Variants in USH2A observed in about 807,000 individuals in gnomAD.
USH2A encodes Usher syndrome 2A (autosomal recessive, mild).
In USH2A, 443 loss-of-function variants were observed where a neutral mutation model predicts 538.9. That is an observed-to-expected ratio of 0.82 (90% confidence interval 0.76 to 0.89). The LOEUF (loss-of-function observed/expected upper bound fraction) is 0.89. Ranked by LOEUF, USH2A falls within the 40% of genes least tolerant of loss-of-function variation. USH2A has a pLI of 0.00. For synonymous variants in USH2A, 2,413 were observed against 2,273.5 expected (o/e 1.06, Z -1.75); for missense variants, 6,633 against 6,324.8 (o/e 1.05, Z -1.65).
At position 215,826,394 on chromosome 1, in the gene USH2A, A is replaced by G. The variant is rs191548627; in HGVS notation, c.9372-9199T>C. Among the ~76,000 whole-genome samples, 22 of 152,322 alleles carry G rather than the reference A, an allele frequency of 1.4e-4. 1 individual carries two copies. Among genetic ancestry groups the G allele is most frequent in the African/African-American group, 5.0e-4 (21 of 41,590 alleles). ...TTGCCCAAGAAAGCATCACTTGCCA[A>G]TGGAGAGCTGTGATTGTCAAACAGT... On this transcript the variant is annotated intron_variant, in intron 47 of 71. Transcript: ENST00000307340.
Position 215,900,777 on chromosome 1 carries a change from C to T in USH2A, c.7429G>A (p.Asp2477Asn), listed in dbSNP as rs772852467. Residue 2477 changes from aspartate to asparagine, a missense_variant, in exon 39 of 72, where the codon GAC becomes AAC. Asp to Asn is a conservative substitution (Grantham distance 23). Coordinates refer to ENST00000307340, the MANE Select transcript of USH2A (RefSeq NM_206933.4). ...PRYQLQMRSG[D>N]STHGFLELFS... Reference sequence around the variant, plus strand: ...CACTCTAGAAATCCATGGGTGGAGTCGCCAGACCTCATCTGGAGTTGGTAT... The same window carrying T: ...CACTCTAGAAATCCATGGGTGGAGTTGCCAGACCTCATCTGGAGTTGGTAT... The T allele has an allele frequency of 4.2e-5, 67 of 1,613,640 alleles. 1 individual carries two copies. Among genetic ancestry groups the T allele is most frequent in the South Asian group, 4.0e-4 (36 of 91,072 alleles).
intron 64 of USH2A, among the ~76,000 whole-genome samples, chr1:215,664,805 T>C (rs1430437302): frequency 6.6e-6 from 1 of 152,152 alleles, no homozygotes; most frequent in African/African-American, 2.4e-5. Context: ...AGAAGACCAT[T>C]ATCTGTAAGC....
chr1:215,867,053 C>T lies in USH2A; in HGVS notation c.8799G>A (p.Ala2933=), dbSNP rs756401705. The change falls in exon 44 of 72, where the codon GCG becomes GCA. Residue 2933 remains alanine, a synonymous_variant. Coordinates refer to ENST00000307340, the MANE Select transcript of USH2A (RefSeq NM_206933.4). Reference sequence around the variant, plus strand: ...CGATGGCTGTGTGGTTAAGGACACTCGCAGTGAGATTGGCTCCTCTCTCTG... The same window carrying T: ...CGATGGCTGTGTGGTTAAGGACACTTGCAGTGAGATTGGCTCCTCTCTCTG... ...GLPERGANLT[A]SVLNHTAIDV... 1.2e-5 allele frequency: 20 copies of T among 1,614,020 alleles called. No individual in the cohort carries two copies. The highest frequency in any genetic ancestry group is 2.2e-5 in the East Asian group (1 of 44,886).
intron 21 of USH2A, among the ~76,000 whole-genome samples, chr1:216,163,714 CT>C (rs779482203): frequency 3.3e-5 from 5 of 151,778 alleles, no homozygotes; most frequent in Non-Finnish European, 5.9e-5. Flanking sequence ...ATGATTTGCT[CT>C]TCTAGGATTT....
chr1:215,640,842 A>G, intron 67 of USH2A, 108 bp from the exon 68 acceptor site: 2 of 811,982 alleles, frequency 2.5e-6, no homozygotes, highest in Non-Finnish European at 3.4e-6. Flanking sequence ...AACCAATCCA[A>G]ACAAAAAAAA....
intron 61 of USH2A, among the ~76,000 whole-genome samples, chr1:215,717,929 G>A (rs543495897): frequency 6.6e-6 from 1 of 152,290 alleles, no homozygotes; most frequent in East Asian, 1.9e-4. Context: ...TATGTAACTA[G>A]ATAATATCTG....
At chr1:216,024,434 T>C (rs367824401) in intron 32 of USH2A, among the ~76,000 whole-genome samples, 1 of 152,068 alleles carries the variant, frequency 6.6e-6, no homozygotes, top group African/African-American at 2.4e-5. Flanking sequence ...TTAACAAGTT[T>C]AAATCATTAT....
At chr1:216,356,911 C>A (rs966620093) in intron 4 of USH2A, among the ~76,000 whole-genome samples, 4 of 152,114 alleles carry the variant, frequency 2.6e-5, no homozygotes, top group Non-Finnish European at 5.9e-5. Flanking sequence ...ATTTCCAACA[C>A]CGGTATAATC....
intron 64 of USH2A, 86 bp from the exon 65 acceptor site, chr1:215,650,887 A>T: frequency 6.7e-7 from 1 of 1,496,060 alleles, no homozygotes; most frequent in South Asian, 1.2e-5. Flanking sequence ...AAAAAAACGA[A>T]ATTGGCAACC....
intron 21 of USH2A, among the ~76,000 whole-genome samples, chr1:216,169,723 T>G (rs143606546): frequency 6.6e-6 from 1 of 152,284 alleles, no homozygotes; most frequent in Non-Finnish European, 1.5e-5. Flanking sequence ...GTTTTGTCAC[T>G]GCCTGAGAAT....
At chr1:215,937,019 A>G (rs1454702567) in intron 37 of USH2A, among the ~76,000 whole-genome samples, 3 of 152,250 alleles carry the variant, frequency 2.0e-5, no homozygotes, top group African/African-American at 4.8e-5. Flanking sequence ...TGAAAAATCT[A>G]CTGTTACAAA....
chr1:216,217,745 C>T (rs1165753083), intron 14 of USH2A, among the ~76,000 whole-genome samples, 195 bp from the exon 15 acceptor site: 2 of 151,948 alleles, frequency 1.3e-5, no homozygotes, highest in African/African-American at 4.8e-5. Context: ...TATAAAACTA[C>T]TGTTCCTGGT....
chr1:216,091,222 C>T (rs1177890986), intron 22 of USH2A, among the ~76,000 whole-genome samples: 1 of 152,170 alleles, frequency 6.6e-6, no homozygotes, highest in Non-Finnish European at 1.5e-5. Flanking sequence ...ATATCAGACA[C>T]ATTCAATAGA....
chr1:215,904,977 C>T (rs926303857), intron 38 of USH2A, among the ~76,000 whole-genome samples: 2 of 151,942 alleles, frequency 1.3e-5, no homozygotes, highest in African/African-American at 4.8e-5. Context: ...ATATGAAAAA[C>T]AAAAGAAAAC....
At chr1:215,956,466 T>C (rs1667072000) in intron 37 of USH2A, among the ~76,000 whole-genome samples, 1 of 152,190 alleles carries the variant, frequency 6.6e-6, no homozygotes, top group African/African-American at 2.4e-5. Flanking sequence ...GTACATCATC[T>C]GGGTGATCTG....
chr1:216,405,812 A>G (rs1286103609), intron 3 of USH2A, among the ~76,000 whole-genome samples: 15 of 152,252 alleles, frequency 9.9e-5, no homozygotes, highest in Admixed American at 9.8e-4. Flanking sequence ...TAAACAAACC[A>G]TGGTACCCAC....
At chr1:215,930,220 A>C (rs944466051) in intron 38 of USH2A, among the ~76,000 whole-genome samples, 11 of 152,078 alleles carry the variant, frequency 7.2e-5, no homozygotes, top group African/African-American at 2.7e-4. Context: ...AAAGATAAAC[A>C]GAATTATTCC....
intron 32 of USH2A, among the ~76,000 whole-genome samples, chr1:216,028,398 G>T (rs576446405): frequency 1.9e-4 from 28 of 150,484 alleles, no homozygotes; most frequent in Admixed American, 9.3e-4. Flanking sequence ...ATAAATAAAT[G>T]AATAAATAAA....
chr1:216,011,138 C>T (rs1571886652), intron 32 of USH2A, among the ~76,000 whole-genome samples: 2 of 152,312 alleles, frequency 1.3e-5, no homozygotes, highest in South Asian at 2.1e-4. Flanking sequence ...AGTTCAGGAT[C>T]TATGCCTTAT....
Sources: allele counts gnomAD v4.1 joint callset (sites outside exome capture counted in the v4.1 genomes callset), GRCh38; gene constraint gnomAD v4.1.1; transcripts MANE v1.5; gene names NCBI Gene and HGNC (gene_info 2026-07-23, HGNC 2026-07-21).